Variants in EXOC3 observed in about 807,000 individuals in gnomAD.
The protein encoded by EXOC3 is exocyst complex component 3.
EXOC3 carries 21 observed loss-of-function variants against 73.7 expected under a neutral mutation model. That is an observed-to-expected ratio of 0.29 (90% CI 0.20 to 0.41). EXOC3 has a LOEUF of 0.41. Among genes scored for constraint, EXOC3 ranks in the 10% least tolerant of loss-of-function variants. The pLI, the probability that EXOC3 is intolerant of heterozygous loss-of-function variation, is 1.00. For synonymous variants in EXOC3, 410 were observed against 389.1 expected, an observed-to-expected ratio of 1.05 and a Z score of -0.63; for missense variants, 842 against 985.1, an observed-to-expected ratio of 0.85 and a Z score of 1.95.
At chr5:463,656 G>A (rs976115421) in intron 9 of EXOC3, among the ~76,000 whole-genome samples, 3 of 152,070 alleles carry the variant, frequency 2.0e-5, no homozygotes, top group African/African-American at 7.3e-5. Flanking sequence ...TTCTATTGGA[G>A]TTTTAATTTG....
chr5:465,513 T>C (rs1038933875), intron 11 of EXOC3, among the ~76,000 whole-genome samples: 1 of 152,230 alleles, frequency 6.6e-6, no homozygotes, highest in Admixed American at 6.5e-5. Flanking sequence ...TCCCAGTCTG[T>C]CCTGCGCTGC....
intron 4 of EXOC3, among the ~76,000 whole-genome samples, chr5:456,383 C>T (rs1289188620): frequency 3.0e-5 from 3 of 101,540 alleles, no homozygotes; most frequent in East Asian, 2.4e-4. Context: ...GTGGACGTGG[C>T]GCCCGTGGCT....
chr5:447,135 C>T (rs567042266), intron 2 of EXOC3: 45 of 161,064 alleles, frequency 2.8e-4, no homozygotes, highest in Non-Finnish European at 5.0e-4. Flanking sequence ...AAGTCCTGAC[C>T]GTTCTCTCTG....
chr5:451,896 A>G (rs1045727500), intron 3 of EXOC3, among the ~76,000 whole-genome samples: 1 of 152,190 alleles, frequency 6.6e-6, no homozygotes, highest in African/African-American at 2.4e-5. Flanking sequence ...CTGGCCTCCA[A>G]AGTTTCTGGT....
At chr5:464,099 A>G (rs1256412359) in intron 9 of EXOC3, among the ~76,000 whole-genome samples, 191 bp from the exon 10 acceptor site, 2 of 151,970 alleles carry the variant, frequency 1.3e-5, no homozygotes, top group Non-Finnish European at 2.9e-5. Context: ...TGGGACGTTG[A>G]GGTGAGGAAG....
chr5:451,226 A>G (rs1737651718), intron 3 of EXOC3, among the ~76,000 whole-genome samples: 1 of 152,116 alleles, frequency 6.6e-6, no homozygotes, highest in Admixed American at 6.5e-5. Flanking sequence ...CTTTGTGCCT[A>G]CCATAAAGAT....
At position 465,860 on chromosome 5, in the gene EXOC3, TCTTAGAATCCTGC is replaced by T. The variant is rs758990409; in HGVS notation, c.2066+28_2066+40del. 4.1e-5 allele frequency: 66 copies of T among 1,602,918 alleles called. No homozygotes were observed. The highest frequency in any genetic ancestry group is 5.1e-5 in the Non-Finnish European group (60 of 1,174,528). ...CCAGACATCAGGTAAGGGATGCACG[TCTTAGAATCCTGC>T]CTTAGAATCCTGGAGTGGAGCGGCA... On this transcript the variant is annotated intron_variant, in intron 12 of 12. Coordinates refer to ENST00000512944, the MANE Select transcript of EXOC3 (RefSeq NM_007277.5).
chr5:447,278 T>C (rs2126572142), intron 2 of EXOC3: 1 of 425,918 alleles, frequency 2.3e-6, no homozygotes, highest in South Asian at 3.3e-5. Context: ...TGAGGCTAGA[T>C]GAGGAGTGTC....
At chr5:456,141 C>T (rs1354011716) in intron 4 of EXOC3, among the ~76,000 whole-genome samples, 1 of 152,130 alleles carries the variant, frequency 6.6e-6, no homozygotes, top group Non-Finnish European at 1.5e-5. Context: ...ATTCCAGGAC[C>T]CCCCTTGGCT....
Position 465,246 on chromosome 5 carries a change from C to G in EXOC3, c.1912C>G (p.Arg638Gly). 3 of 1,589,914 alleles carry G rather than the reference C, an allele frequency of 1.9e-6. No individual in the cohort carries two copies. Among genetic ancestry groups the G allele is most frequent in the South Asian group, 1.1e-5 (1 of 87,232 alleles). The change falls in exon 11 of 13, where the codon CGC becomes GGC. Residue 638 changes from arginine to glycine, a missense_variant. By Grantham distance (125) the Arg-to-Gly change is moderately radical. Transcript: ENST00000512944. ...EKMVREAEQLRFLFRKLASGF... is the reference protein window; with the variant it reads ...EKMVREAEQLGFLFRKLASGF... ...GATGGTTAGGGAGGCAGAGCAGCTG[C>G]GCTTCCTGTTCCGGAAGCTGGCGTC...
chr5:461,648 C>T (rs969489861), intron 7 of EXOC3: 3 of 326,262 alleles, frequency 9.2e-6, no homozygotes, highest in Non-Finnish European at 1.7e-5. Context: ...GATTAGGTTA[C>T]CCCGACGGGT....
intron 6 of EXOC3, 85 bp downstream of exon 6, chr5:458,110 G>A: frequency 7.2e-7 from 1 of 1,395,688 alleles, no homozygotes; most frequent in Non-Finnish European, 9.8e-7. Context: ...ACAGATACCT[G>A]GGATCTTCAT....
chr5:455,155 C>G (rs565629553), intron 4 of EXOC3, among the ~76,000 whole-genome samples: 97 of 152,332 alleles, frequency 6.4e-4, no homozygotes, highest in East Asian at 4.4e-3. Context: ...CAGGTCTCCC[C>G]CTCCGTGCCT....
chr5:457,086 AGG>A (rs763613825), intron 5 of EXOC3, 80 bp downstream of exon 5: 13 of 988,752 alleles, frequency 1.3e-5, no homozygotes, highest in Non-Finnish European at 1.9e-5. Flanking sequence ...GGCAGGAGGC[AGG>A]GGGGAAATGC....
chr5:462,510 C>G, intron 9 of EXOC3: 1 of 584,712 alleles, frequency 1.7e-6, no homozygotes, highest in Admixed American at 3.0e-5. Context: ...TTCTTACGCA[C>G]AATTCAGTAG....
rs532607536 is a variant in EXOC3 at position 454,281 on chromosome 5, C to G, written c.1046+230C>G. 3.9e-5 allele frequency among the ~76,000 whole-genome samples: 6 copies of G among 152,378 alleles called. No homozygotes were observed. The South Asian group carries it at 1.2e-3, about 32-fold the overall frequency. On this transcript the variant is annotated intron_variant, in intron 4 of 12. Transcript: ENST00000512944. ...TGGGAGGGATCTCTGCTCTTGGCCT[C>G]CAGCCCCCGTTGAGCTTGACAGGGT...
rs375699421 is a variant in EXOC3 at position 456,922 on chromosome 5, G to A, written c.1080G>A (p.Pro360=). The change falls in exon 5 of 13, where the codon CCG becomes CCA. Residue 360 remains proline, a synonymous_variant. Transcript: ENST00000512944. ...TEMMRNVELA[P]EVDVGTLEPL... ...TGATGAGGAACGTGGAGCTGGCCCC[G>A]GAAGTGGATGTCGGCACCCTGGAGC... 3.7e-4 allele frequency: 605 copies of A among 1,614,034 alleles called. No individual in the cohort carries two copies. The highest frequency in any genetic ancestry group is 4.3e-4 in the Non-Finnish European group (508 of 1,179,878).
intron 5 of EXOC3, chr5:457,575 A>C (rs1560938486): frequency 1.1e-5 from 3 of 279,002 alleles, no homozygotes; most frequent in African/African-American, 6.6e-5. Flanking sequence ...GCCTGACCGG[A>C]CCTGGTCGGC....
chr5:452,451 A>C (rs377647999), intron 3 of EXOC3, among the ~76,000 whole-genome samples: 1 of 123,228 alleles, frequency 8.1e-6, no homozygotes, highest in African/African-American at 3.2e-5. Context: ...CACATCTTTA[A>C]GTTCCTTAGG....
Sources: allele counts gnomAD v4.1 joint callset (sites outside exome capture counted in the v4.1 genomes callset), GRCh38; gene constraint gnomAD v4.1.1; transcripts MANE v1.5; gene names NCBI Gene and HGNC (gene_info 2026-07-23, HGNC 2026-07-21).